The following STK3 variants were observed in gnomAD, a reference collection of about 807,000 sequenced individuals.
STK3 encodes serine/threonine-protein kinase 3.
STK3 carries 41 observed loss-of-function variants against 58.0 expected under a neutral mutation model. The observed-to-expected ratio is 0.71, with a 90% CI of 0.55 to 0.92. STK3 has a LOEUF of 0.92. Ranked by LOEUF, STK3 falls within the 40% of genes least tolerant of loss-of-function variation. The pLI, the probability that STK3 is intolerant of heterozygous loss-of-function variation, is 0.00. For synonymous variants in STK3, 170 were observed against 191.0 expected, an observed-to-expected ratio of 0.89 and a Z score of 0.91; for missense variants, 479 against 602.7, an observed-to-expected ratio of 0.79 and a Z score of 2.15.
At chr8:98,716,274 T>TA (rs1487292581) in intron 4 of STK3, among the ~76,000 whole-genome samples, 2 of 152,000 alleles carry the variant, frequency 1.3e-5, no homozygotes, top group Non-Finnish European at 2.9e-5. Context: ...CCCTAAAACT[T>TA]AAAGTATAAT....
At chr8:98,364,260 G>A in the STK3 span, among the ~76,000 whole-genome samples, 1 of 152,210 alleles carries the variant, frequency 6.6e-6, no homozygotes, top group African/African-American at 2.4e-5. Flanking sequence ...CCACTCGCCT[G>A]CTTTCCATCA....
the STK3 span, among the ~76,000 whole-genome samples, chr8:98,352,609 T>C: frequency 2.0e-5 from 3 of 152,122 alleles, no homozygotes; most frequent in Admixed American, 2.0e-4. Context: ...TAAAGGCAGT[T>C]TGTAACATCA....
intron 9 of STK3, among the ~76,000 whole-genome samples, chr8:98,545,570 C>T (rs1292996177): frequency 3.3e-5 from 5 of 151,942 alleles, no homozygotes; most frequent in Non-Finnish European, 5.9e-5. Flanking sequence ...GAAAATAGGC[C>T]CATAATTTCT....
At chr8:98,869,011 A>AAAG in intron 3 of STK3, among the ~76,000 whole-genome samples, 1 of 131,152 alleles carries the variant, frequency 7.6e-6, no homozygotes, top group Non-Finnish European at 1.7e-5. Context: ...AGAGAGAGAG[A>AAAG]GAAAAAGGAA....
At chr8:98,736,914 T>C in intron 4 of STK3, among the ~76,000 whole-genome samples, 1 of 152,144 alleles carries the variant, frequency 6.6e-6, no homozygotes, top group East Asian at 1.9e-4. Flanking sequence ...AAACTGTCCA[T>C]TACTCTGAGA....
At chr8:98,393,303 A>G (rs1411416618) in intron 3 of STK3, among the ~76,000 whole-genome samples, 1 of 151,970 alleles carries the variant, frequency 6.6e-6, no homozygotes, top group African/African-American at 2.4e-5. Context: ...TGGGCCTGTC[A>G]CTCCAATGTC....
At chr8:98,905,282 C>A (rs113881395) in intron 1 of STK3, 1 of 827,276 alleles carries the variant, frequency 1.2e-6, no homozygotes, top group African/African-American at 1.7e-5. Flanking sequence ...AGGCCCCTGA[C>A]GGTCTCACTG....
At position 98,505,856 on chromosome 8, in the gene STK3, G is replaced by C. The variant is rs1251633468; in HGVS notation, c.1317+20886C>G. ...CCAGTTAGGCTACACAGGGGTCAGG[G>C]ACCCACTTGAGGAGGCAGTCTGTCT... is the stretch of plus-strand genomic sequence containing the variant. On this transcript the variant is annotated intron_variant, in intron 10 of 10. Transcript: ENST00000419617. Among the ~76,000 whole-genome samples the C allele has an allele frequency of 2.0e-5, 3 of 152,234 alleles. No individual in the cohort carries two copies. In the East Asian group the frequency reaches 5.8e-4, roughly 29 times the overall value.
chr8:98,564,081 G>C (rs1171000171), intron 8 of STK3, among the ~76,000 whole-genome samples: 1 of 152,076 alleles, frequency 6.6e-6, no homozygotes, highest in Non-Finnish European at 1.5e-5. Flanking sequence ...ATCAACAGTG[G>C]TAAGTCATGT....
chr8:98,710,405 T>A (rs990378315), intron 4 of STK3, among the ~76,000 whole-genome samples: 18 of 151,954 alleles, frequency 1.2e-4, no homozygotes, highest in Admixed American at 3.3e-4. Context: ...AAGAAAGGGG[T>A]GACAGATGGC....
At chr8:98,576,812 C>T (rs987854137) in intron 8 of STK3, among the ~76,000 whole-genome samples, 2 of 152,172 alleles carry the variant, frequency 1.3e-5, no homozygotes, top group African/African-American at 4.8e-5. Flanking sequence ...CAGGAAGTTG[C>T]TCTAGCTCAT....
At chr8:98,850,275 G>A (rs1051905955) in intron 3 of STK3, among the ~76,000 whole-genome samples, 7 of 152,124 alleles carry the variant, frequency 4.6e-5, no homozygotes, top group African/African-American at 1.7e-4. Context: ...CTGGACTCAA[G>A]CAATCCTCCC....
chr8:98,742,136 G>T (rs947906122), intron 4 of STK3, among the ~76,000 whole-genome samples: 7 of 151,666 alleles, frequency 4.6e-5, no homozygotes, highest in African/African-American at 1.2e-4. Flanking sequence ...ATTCACAGCC[G>T]AATTCTACCA....
chr8:98,887,084 G>A (rs909737985), intron 1 of STK3, among the ~76,000 whole-genome samples: 9 of 151,904 alleles, frequency 5.9e-5, no homozygotes, highest in African/African-American at 1.5e-4. Context: ...GCAACAGAGC[G>A]AGACTCCACC....
chr8:98,759,510 T>C (rs574981599), intron 3 of STK3, among the ~76,000 whole-genome samples: 94 of 152,032 alleles, frequency 6.2e-4, no homozygotes, highest in African/African-American at 2.1e-3. Flanking sequence ...GATATAATAA[T>C]AATGAAAACG....
intron 3 of STK3, among the ~76,000 whole-genome samples, chr8:98,412,120 T>C (rs1037075578): frequency 1.3e-5 from 2 of 152,212 alleles, no homozygotes; most frequent in African/African-American, 4.8e-5. Context: ...AGCTAGCTTC[T>C]ATTGCTCCCG....
chr8:98,499,554 C>T (rs1195415233), intron 10 of STK3, among the ~76,000 whole-genome samples: 1 of 152,182 alleles, frequency 6.6e-6, no homozygotes, highest in East Asian at 1.9e-4. Context: ...ATTAAAGGCA[C>T]TGCTGGTAAC....
intron 8 of STK3, among the ~76,000 whole-genome samples, chr8:98,574,098 A>G (rs1813191826): frequency 2.0e-5 from 3 of 152,112 alleles, no homozygotes; most frequent in Middle Eastern, 3.4e-3. Flanking sequence ...AAATTTGGGT[A>G]GGGCCACAGC....
intron 3 of STK3, among the ~76,000 whole-genome samples, chr8:98,406,557 C>T (rs1351921104): frequency 1.3e-5 from 2 of 152,126 alleles, no homozygotes. Context: ...TAGAGACTTA[C>T]AGGTTTATTA....
Sources: gnomAD v4.1 joint callset for allele counts (sites outside exome capture counted in the v4.1 genomes callset) on GRCh38, gnomAD v4.1.1 for gene constraint, MANE v1.5 for transcripts, NCBI Gene and HGNC (gene_info 2026-07-23, HGNC 2026-07-21) for gene names.